The following TMEM100 variants were observed in gnomAD, a reference collection of about 807,000 sequenced individuals.
TMEM100 encodes transmembrane protein 100.
For synonymous variants in TMEM100, 61 were observed against 67.1 expected, an observed-to-expected ratio of 0.91 and a Z score of 0.44; for missense variants, 137 against 168.2, an observed-to-expected ratio of 0.81 and a Z score of 1.02.
At chr17:55,723,283 C>T (rs1908967282), upstream of TMEM100, among the ~76,000 whole-genome samples, 1 of 146,470 alleles carries the variant, frequency 6.8e-6, no homozygotes, top group Non-Finnish European at 1.5e-5. Flanking sequence ...GTCTCTAAGC[C>T]AGCAAAAATC....
At chr17:55,721,750 T>A (rs924112476) in intron 1 of TMEM100, 1 of 152,164 alleles carries the variant, frequency 6.6e-6, no homozygotes, top group African/African-American at 2.4e-5. Flanking sequence ...GGTGGACAGT[T>A]CAGCAAAAAA....
chr17:55,722,264 C>G (rs368509173), intron 1 of TMEM100, among the ~76,000 whole-genome samples: 1 of 152,110 alleles, frequency 6.6e-6, no homozygotes, highest in South Asian at 2.1e-4. Context: ...TTGTAGTTAC[C>G]GAACAAGTTT....
chr17:55,730,335 C>T (rs1367104636), intron 1 of TMEM100, among the ~76,000 whole-genome samples: 3 of 151,892 alleles, frequency 2.0e-5, no homozygotes, highest in Non-Finnish European at 4.4e-5. Context: ...ATATTTAGTG[C>T]TAAGTACATT....
chr17:55,722,536 G>A (rs1908927306), intron 1 of TMEM100, 83 bp downstream of exon 1: 1 of 152,146 alleles, frequency 6.6e-6, no homozygotes, highest in Non-Finnish European at 1.5e-5. Flanking sequence ...TTGAGATTAT[G>A]TCTGAAAAAA....
At position 55,731,727 on chromosome 17, in the gene TMEM100, C is replaced by G. The variant is rs896145639; in HGVS notation, c.-415G>C. The G allele has an allele frequency of 3.3e-5, 5 of 152,294 alleles. No homozygotes were observed. The East Asian group carries it at 9.6e-4, about 29-fold the overall frequency. The allele number at this position is 152,294 out of a possible 1,614,324, so 9.4% of individuals were successfully genotyped here. On this transcript the variant is annotated 5_prime_UTR_variant, in exon 1 of 4. Coordinates refer to the TMEM100 transcript ENST00000575734. ...TGAAGAGAGTCACAGGCGTCTGGCT[C>G]GGGGACTGACTGCAGCACAAAGGTT...
chr17:55,721,845 A>G (rs980190190), intron 1 of TMEM100: 7 of 152,232 alleles, frequency 4.6e-5, no homozygotes, highest in African/African-American at 1.2e-4. Flanking sequence ...ATAAGAAAAA[A>G]AAATTCAACC....
chr17:55,723,103 T>C (rs773336347), upstream of TMEM100: 4 of 152,548 alleles, frequency 2.6e-5, no homozygotes, highest in African/African-American at 4.8e-5. Context: ...TGAATTTGAA[T>C]GACTCATTTT....
upstream of TMEM100, among the ~76,000 whole-genome samples, chr17:55,723,507 T>A (rs1334464869): frequency 6.6e-6 from 1 of 152,206 alleles, no homozygotes; most frequent in Non-Finnish European, 1.5e-5. Flanking sequence ...ATCATCATCA[T>A]GATAATTGCT....
At chr17:55,726,619 C>A (rs1909083290), upstream of TMEM100, among the ~76,000 whole-genome samples, 1 of 152,136 alleles carries the variant, frequency 6.6e-6, no homozygotes, top group Admixed American at 6.5e-5. Flanking sequence ...CTTGAGGATG[C>A]CAGTTCCTCT....
upstream of TMEM100, among the ~76,000 whole-genome samples, chr17:55,725,849 G>T (rs552960298): frequency 7.6e-4 from 116 of 151,918 alleles, no homozygotes; most frequent in African/African-American, 2.6e-3. Flanking sequence ...AATTTGCAAG[G>T]TTTTTCCTAT....
At chr17:55,721,219 CT>C (rs1908876764) in intron 1 of TMEM100, 84 bp from the exon 2 acceptor site, 13 of 898,388 alleles carry the variant, frequency 1.4e-5, no homozygotes, top group Non-Finnish European at 2.1e-5. Context: ...GAGGCACCTC[CT>C]TTCTAGGAGG....
At position 55,720,928 on chromosome 17, in the gene TMEM100, C is replaced by T. The variant is rs1192752330; in HGVS notation, c.143G>A (p.Gly48Asp). 6.2e-7 allele frequency: 1 copy of T among 1,614,170 alleles called. No individual in the cohort carries two copies. The part of the protein sequence containing the change: ...SEIQLMAATG[G>D]TELSCYRCII... ...GCAGCGGTAGCAGGAGAGCTCGGTA[C>T]CCCCTGTAGCAGCCATCAACTGAAT... The change falls in exon 2 of 2, where the codon GGT becomes GAT. Residue 48 changes from glycine (G) to aspartate (D), a missense_variant. Physicochemically the swap from Gly to Asp is moderately conservative, Grantham distance 94 (BLOSUM62 -1). Coordinates refer to ENST00000424486, the MANE Select transcript of TMEM100 (RefSeq NM_018286.3).
intron 1 of TMEM100, among the ~76,000 whole-genome samples, chr17:55,729,945 G>T (rs760708246): frequency 6.6e-6 from 1 of 152,140 alleles, no homozygotes; most frequent in African/African-American, 2.4e-5. Flanking sequence ...TCATGAGGAA[G>T]GAATATATAG....
At chr17:55,727,366 A>G (rs1909098580), upstream of TMEM100, among the ~76,000 whole-genome samples, 1 of 152,026 alleles carries the variant, frequency 6.6e-6, no homozygotes, top group Admixed American at 6.5e-5. Context: ...ACAAATGCAC[A>G]CTCCTAGGGT....
chr17:55,729,293 G>T (rs1909144521), intron 1 of TMEM100, among the ~76,000 whole-genome samples: 1 of 152,186 alleles, frequency 6.6e-6, no homozygotes, highest in African/African-American at 2.4e-5. Context: ...TCACTGCAAT[G>T]GTAGAATCAG....
At chr17:55,731,420 C>T (rs142784906) in intron 1 of TMEM100, among the ~76,000 whole-genome samples, 163 of 152,198 alleles carry the variant, frequency 1.1e-3, no homozygotes, top group African/African-American at 3.8e-3. Flanking sequence ...TTCTTTTCCT[C>T]TTTGTGGCTT....
In TMEM100 at chr17:55,720,854, C is replaced by T. The variant is rs150604832; in HGVS notation, c.217G>A (p.Ala73Thr). The change falls in exon 2 of 2, where the codon GCG becomes ACG. Residue 73 changes from alanine to threonine, a missense_variant. Coordinates refer to ENST00000424486, the MANE Select transcript of TMEM100 (RefSeq NM_018286.3). The part of the protein sequence containing the change: ...VVFIAGIVVT[A>T]VAYSFNSHGS... ...TGGGAATTGAAGCTGTAAGCCACCG[C>T]GGTGACCACGATGCCGGCGATGAAG... 126 of 1,614,048 alleles carry T rather than the reference C, an allele frequency of 7.8e-5. No homozygotes were observed. The African/African-American group carries it at 1.1e-3, about 14-fold the overall frequency.
chr17:55,729,516 C>T (rs1389860598), intron 1 of TMEM100, among the ~76,000 whole-genome samples: 2 of 152,172 alleles, frequency 1.3e-5, no homozygotes, highest in Admixed American at 1.3e-4. Context: ...GTTGGCATTA[C>T]TGCCTAACTA....
At chr17:55,723,323 T>C (rs1269007592), upstream of TMEM100, among the ~76,000 whole-genome samples, 1 of 152,134 alleles carries the variant, frequency 6.6e-6, no homozygotes, top group East Asian at 1.9e-4. Flanking sequence ...TTATTCTTTA[T>C]ATGTGCGTGA....
Sources: gnomAD v4.1 joint callset for allele counts (sites outside exome capture counted in the v4.1 genomes callset) on GRCh38, gnomAD v4.1.1 for gene constraint, MANE v1.5 for transcripts, NCBI Gene and HGNC (gene_info 2026-07-23, HGNC 2026-07-21) for gene names.